The following TULP4 variants were observed in gnomAD, a reference collection of about 807,000 sequenced individuals.
TULP4 encodes the protein tubby-related protein 4.
Under a neutral mutation model 129.0 loss-of-function variants are expected in TULP4, and 16 were observed. That is an observed-to-expected ratio of 0.12 (90% CI 0.08 to 0.19). The LOEUF (loss-of-function observed/expected upper bound fraction) is 0.19. Among genes scored for constraint, TULP4 ranks in the 10% least tolerant of loss-of-function variants. The pLI, the probability that TULP4 is intolerant of heterozygous loss-of-function variation, is 1.00. For synonymous variants in TULP4, 998 were observed against 854.0 expected (o/e 1.17, Z -2.94); for missense variants, 1,842 against 2,059.1 (o/e 0.89, Z 2.04).
At chr6:158,273,844 A>G (rs1298340287) in intron 1 of TULP4, among the ~76,000 whole-genome samples, 1 of 152,216 alleles carries the variant, frequency 6.6e-6, no homozygotes, top group African/African-American at 2.4e-5. Context: ...TGTTACAGAT[A>G]TTAACTCATT....
At chr6:158,421,361 CAAA>C (rs71030167) in intron 2 of TULP4, among the ~76,000 whole-genome samples, 1 of 142,232 alleles carries the variant, frequency 7.0e-6, no homozygotes, top group Admixed American at 7.1e-5. Flanking sequence ...GGCTCCGTCT[CAAA>C]AAAAAAAAAA....
chr6:158,252,702 A>G (rs1464636208), intron 1 of TULP4, among the ~76,000 whole-genome samples: 1 of 152,206 alleles, frequency 6.6e-6, no homozygotes, highest in Non-Finnish European at 1.5e-5. Context: ...AGCATTTGTC[A>G]AAACTAAGAA....
At chr6:158,274,143 G>A (rs915592139) in intron 1 of TULP4, among the ~76,000 whole-genome samples, 10 of 151,838 alleles carry the variant, frequency 6.6e-5, no homozygotes, top group East Asian at 3.9e-4. Flanking sequence ...CTGCAGTCCC[G>A]GCTACTTGGG....
At chr6:158,448,676 C>T (rs561603352) in intron 3 of TULP4, among the ~76,000 whole-genome samples, 1 of 152,308 alleles carries the variant, frequency 6.6e-6, no homozygotes, top group African/African-American at 2.4e-5. Context: ...CCTAACTCCT[C>T]TCCTCCAATC....
rs549674481 is a variant in TULP4 at position 158,341,795 on chromosome 6, A to G, written c.252+27527A>G. On this transcript the variant is annotated intron_variant, in intron 1 of 13. Coordinates refer to ENST00000367097, the MANE Select transcript of TULP4 (RefSeq NM_020245.5). ...TCCTATTGAGTTGTTTGAATTTCTT[A>G]TATATTCTGTTTATTAATCCCTTGT... Among the ~76,000 whole-genome samples, 33 of 151,892 alleles carry G rather than the reference A, an allele frequency of 2.2e-4. No homozygotes were observed. The South Asian group carries it at 6.4e-3, about 30-fold the overall frequency.
At chr6:158,437,433 T>C (rs1012746780) in intron 3 of TULP4, among the ~76,000 whole-genome samples, 12 of 152,122 alleles carry the variant, frequency 7.9e-5, no homozygotes, top group South Asian at 2.1e-4. Flanking sequence ...CAGTGGCACA[T>C]TCCAGTGGTC....
At position 158,490,711 on chromosome 6, in the gene TULP4, C is replaced by T. The variant is rs746207646; in HGVS notation, c.1631+979C>T. On this transcript the variant is annotated intron_variant, in intron 9 of 13. Coordinates refer to ENST00000367097, the MANE Select transcript of TULP4 (RefSeq NM_020245.5). The stretch of plus-strand genomic sequence containing the variant: ...CCATTCCCTAGAAGTAATCACTCTT[C>T]TGACTTCCATCATCAGCTTTGCTTG... 2.0e-5 allele frequency among the ~76,000 whole-genome samples: 3 copies of T among 152,270 alleles called. No homozygotes were observed. The South Asian group carries it at 6.2e-4, about 32-fold the overall frequency.
At chr6:158,325,732 CTT>C (rs1043267622) in intron 1 of TULP4, among the ~76,000 whole-genome samples, 3 of 152,024 alleles carry the variant, frequency 2.0e-5, no homozygotes, top group African/African-American at 7.2e-5. Context: ...AGAAATGAAA[CTT>C]TTGTTTTATA....
intron 1 of TULP4, among the ~76,000 whole-genome samples, chr6:158,323,602 C>T (rs2128488285): frequency 6.6e-6 from 1 of 152,322 alleles, no homozygotes; most frequent in Admixed American, 6.5e-5. Context: ...GGCTGCCCCA[C>T]TCCCGGAGGT....
chr6:158,504,248 G>A, intron 13 of TULP4, 70 bp downstream of exon 13: 1 of 1,306,046 alleles, frequency 7.7e-7, no homozygotes, highest in East Asian at 2.5e-5. Flanking sequence ...CCTTCAAGGA[G>A]CATTTTTCAA....
intron 1 of TULP4, among the ~76,000 whole-genome samples, chr6:158,322,724 T>C (rs1423865102): frequency 6.6e-6 from 1 of 152,192 alleles, no homozygotes; most frequent in Non-Finnish European, 1.5e-5. Context: ...GCATCTCTGT[T>C]GTGTGCCAGG....
intron 1 of TULP4, among the ~76,000 whole-genome samples, chr6:158,384,889 T>C (rs1777405597): frequency 6.6e-6 from 1 of 152,216 alleles, no homozygotes; most frequent in African/African-American, 2.4e-5. Flanking sequence ...CTGGATTGGC[T>C]GTAACACAAA....
intron 13 of TULP4, 43 bp downstream of exon 13, chr6:158,504,221 G>C: frequency 6.9e-7 from 1 of 1,445,366 alleles, no homozygotes; most frequent in Non-Finnish European, 9.3e-7. Context: ...CAGGAGGCGA[G>C]GGTTTCAGTG....
intron 4 of TULP4, among the ~76,000 whole-genome samples, chr6:158,449,670 TC>T (rs1223802767): frequency 6.6e-6 from 1 of 152,140 alleles, no homozygotes; most frequent in African/African-American, 2.4e-5. Flanking sequence ...TTTCTGTCTG[TC>T]CTCTTTATTT....
chr6:158,491,366 G>C (rs1043359500), intron 9 of TULP4, among the ~76,000 whole-genome samples: 1 of 150,996 alleles, frequency 6.6e-6, no homozygotes, highest in African/African-American at 2.4e-5. Flanking sequence ...ATTTATTATT[G>C]GGTTGTTTTA....
chr6:158,337,033 CTTTTTCTT>C (rs1415431320), intron 1 of TULP4, among the ~76,000 whole-genome samples: 24 of 143,632 alleles, frequency 1.7e-4, no homozygotes, highest in African/African-American at 6.4e-4. Flanking sequence ...TTCTTTCTTT[CTTTTTCTT>C]TCTTTCTTTC....
chr6:158,420,124 G>A (rs1270810576), intron 2 of TULP4, among the ~76,000 whole-genome samples: 1 of 152,104 alleles, frequency 6.6e-6, no homozygotes, highest in Admixed American at 6.5e-5. Flanking sequence ...TATTATATAG[G>A]TATCATATAA....
upstream of TULP4, among the ~76,000 whole-genome samples, chr6:158,277,389 A>G (rs781256224): frequency 6.6e-5 from 10 of 152,262 alleles, no homozygotes; most frequent in Non-Finnish European, 1.5e-4. Context: ...GCCCAAGTAC[A>G]TCATGGGTTA....
Position 158,443,886 on chromosome 6 carries a change from AT to A in TULP4, c.544-5109del, listed in dbSNP as rs1778954943. On this transcript the variant is annotated intron_variant, in intron 3 of 13. Transcript: ENST00000367097. ...ATATTCAAGTCTGGCCTTGAAGCAC[AT>A]CTGAAGGCCAGTATTCTGAAACCCA... Among the ~76,000 whole-genome samples the A allele has an allele frequency of 2.0e-5, 3 of 152,156 alleles. No individual in the cohort carries two copies. In the South Asian group the frequency reaches 6.2e-4, roughly 31 times the overall value.
Sources: gnomAD v4.1 joint callset for allele counts (sites outside exome capture counted in the v4.1 genomes callset) on GRCh38, gnomAD v4.1.1 for gene constraint, MANE v1.5 for transcripts, NCBI Gene and HGNC (gene_info 2026-07-23, HGNC 2026-07-21) for gene names.